Variants in DAAM2 observed in about 807,000 individuals in gnomAD.
DAAM2 encodes the protein disheveled-associated activator of morphogenesis 2.
DAAM2 carries 39 observed loss-of-function variants against 120.7 expected under a neutral mutation model. The observed-to-expected ratio is 0.32, with a 90% CI of 0.25 to 0.42. The LOEUF is 0.42. DAAM2 is among the 10% of genes least tolerant of loss of function. The probability of loss-of-function intolerance (pLI) is 1.00; values close to 1 mark genes in which losing one functional copy is unlikely to be tolerated. For missense variants in DAAM2, 1,283 were observed against 1,401.7 expected, an observed-to-expected ratio of 0.92 and a Z score of 1.35; for synonymous variants, 488 against 524.9, an observed-to-expected ratio of 0.93 and a Z score of 0.96.
In DAAM2 at chr6:39,898,861, C is replaced by G. The variant is rs373721039; in HGVS notation, c.2619-16C>G. ...GTTGATGGTCCTCATTCCCTTCCCT[C>G]TGTGTCTCCTTACAGCCTAGCAGAA... is the stretch of plus-strand genomic sequence containing the variant. On this transcript the variant is annotated splice_polypyrimidine_tract_variant and intron_variant, in intron 21 of 24. Transcript: ENST00000274867. 2.2e-5 allele frequency: 36 copies of G among 1,608,970 alleles called. No homozygotes were observed. In the African/African-American group the frequency reaches 3.5e-4, roughly 16 times the overall value.
chr6:39,863,779 C>T (rs899187543), intron 3 of DAAM2, among the ~76,000 whole-genome samples: 1 of 152,164 alleles, frequency 6.6e-6, no homozygotes, highest in Non-Finnish European at 1.5e-5. Flanking sequence ...CAGAGGTCCT[C>T]GGATCTGGGC....
intron 5 of DAAM2, among the ~76,000 whole-genome samples, chr6:39,866,252 G>A (rs1337276738): frequency 2.0e-5 from 3 of 152,172 alleles, no homozygotes; most frequent in Non-Finnish European, 4.4e-5. Context: ...TGCCAGGTTT[G>A]TCTCCTACCC....
chr6:39,880,493 A>G (rs1765070369), intron 14 of DAAM2, among the ~76,000 whole-genome samples: 1 of 152,228 alleles, frequency 6.6e-6, no homozygotes. Flanking sequence ...ATGGATAGTA[A>G]TAAAATGACA....
At position 39,878,179 on chromosome 6, in the gene DAAM2, C is replaced by T. The variant is rs1478925503; in HGVS notation, c.1302-24C>T. 2.5e-6 allele frequency: 4 copies of T among 1,612,632 alleles called. No homozygotes were observed. Among genetic ancestry groups the T allele is most frequent in the Admixed American group, 3.3e-5 (2 of 59,952 alleles). On this transcript the variant is annotated intron_variant, in intron 11 of 24. Transcript: ENST00000274867. This position sits in a 1 kb window ranked among gnomAD's most constrained non-coding sequence, Gnocchi z 5.0. Reference sequence around the variant, plus strand: ...GAATCAATGGTCAACAATCACATTGCCCCTTCCCTCTATGCCCTGCCAGGC... The same window carrying T: ...GAATCAATGGTCAACAATCACATTGTCCCTTCCCTCTATGCCCTGCCAGGC...
intron 1 of DAAM2, among the ~76,000 whole-genome samples, chr6:39,827,246 C>T (rs1762706041): frequency 7.2e-6 from 1 of 139,462 alleles, no homozygotes; most frequent in Non-Finnish European, 1.5e-5. Flanking sequence ...GGCAAGTAGC[C>T]TGCTTCTTGG....
intron 1 of DAAM2, among the ~76,000 whole-genome samples, chr6:39,829,424 G>A (rs936370908): frequency 6.6e-6 from 1 of 152,180 alleles, no homozygotes; most frequent in African/African-American, 2.4e-5. Flanking sequence ...GACCATCGAT[G>A]GGGAGGCTGG....
Position 39,903,774 on chromosome 6 carries a change from G to A in DAAM2, c.*1737G>A, listed in dbSNP as rs1187533451. 1 of 173,812 alleles carries A rather than the reference G, an allele frequency of 5.8e-6. No homozygotes were observed. Among genetic ancestry groups the A allele is most frequent in the Non-Finnish European group, 1.2e-5 (1 of 80,768 alleles). 10.8% of individuals were successfully genotyped at this position (173,812 alleles called of 1,614,324 possible). A position where few individuals can be genotyped will look rare whatever the true frequency, so the allele number is the denominator to read the frequency against. ...GGGGGGGAAGAAACACAGGGTCGGTGAGCCCAGCATGTGCGTTGGTTTGAG... is the reference window on the plus strand; with the variant it reads ...GGGGGGGAAGAAACACAGGGTCGGTAAGCCCAGCATGTGCGTTGGTTTGAG... On this transcript the variant is annotated 3_prime_UTR_variant, in exon 25 of 25. Coordinates refer to ENST00000274867, the MANE Select transcript of DAAM2 (RefSeq NM_001201427.2).
intron 1 of DAAM2, among the ~76,000 whole-genome samples, chr6:39,826,887 A>T (rs1762693436): frequency 6.6e-6 from 1 of 152,178 alleles, no homozygotes; most frequent in African/African-American, 2.4e-5. Context: ...AGCTTCAAAG[A>T]GAAAATCTGA....
At chr6:39,839,369 C>T (rs1387476849) in intron 1 of DAAM2, among the ~76,000 whole-genome samples, 1 of 152,180 alleles carries the variant, frequency 6.6e-6, no homozygotes, top group African/African-American at 2.4e-5. Flanking sequence ...GCCCTGGAAT[C>T]TTCATCTTTC....
intron 17 of DAAM2, 102 bp from the exon 18 acceptor site, chr6:39,891,239 C>A: frequency 1.2e-6 from 1 of 854,052 alleles, no homozygotes; most frequent in Non-Finnish European, 1.9e-6. Context: ...TCTTTCAAGG[C>A]ACCCTCCCCA....
At chr6:39,828,373 A>AT (rs1258534070) in intron 1 of DAAM2, among the ~76,000 whole-genome samples, 2 of 152,128 alleles carry the variant, frequency 1.3e-5, no homozygotes, top group South Asian at 2.1e-4. Flanking sequence ...TACTCCTTGC[A>AT]TTTTTGCTAT....
At chr6:39,858,689 T>A (rs1265790320) in intron 2 of DAAM2, among the ~76,000 whole-genome samples, 3 of 152,192 alleles carry the variant, frequency 2.0e-5, no homozygotes, top group Non-Finnish European at 4.4e-5. Flanking sequence ...TGGTACATAG[T>A]AACTCTACAT....
At position 39,870,261 on chromosome 6, in the gene DAAM2, T is replaced by C. The variant is rs539385292; in HGVS notation, c.874-79T>C. 2.4e-3 allele frequency: 1,959 copies of C among 813,990 alleles called. 43 individuals are homozygous for C. The South Asian group carries it at 0.027, about 11-fold the overall frequency. 50.4% of individuals were successfully genotyped at this position (813,990 alleles called of 1,614,324 possible). On this transcript the variant is annotated intron_variant, in intron 7 of 24. Transcript: ENST00000274867. Reference sequence around the variant, plus strand: ...AGATGTGTTGGGTCTGTGGCTAGGGTGGTGATGAGGGCTCCACTGGGGATG... The same window carrying C: ...AGATGTGTTGGGTCTGTGGCTAGGGCGGTGATGAGGGCTCCACTGGGGATG...
rs1766737509 is a variant in DAAM2 at position 39,904,824 on chromosome 6, T to G, written c.*2787T>G. 2.2e-6 allele frequency: 1 copy of G among 454,110 alleles called. No individual in the cohort carries two copies. The highest frequency in any genetic ancestry group is 4.4e-6 in the Non-Finnish European group (1 of 226,800). The allele number at this position is 454,110 out of a possible 1,614,324, so 28.1% of individuals were successfully genotyped here. ...TTCACTTGCACCTTTTTTATAAGAA[T>G]ATATTGTAATACTAAAAAATATTAA... is the stretch of plus-strand genomic sequence containing the variant. On this transcript the variant is annotated 3_prime_UTR_variant, in exon 25 of 25. Transcript: ENST00000274867.
At chr6:39,852,567 G>A (rs914274501) in intron 1 of DAAM2, among the ~76,000 whole-genome samples, 4 of 152,208 alleles carry the variant, frequency 2.6e-5, no homozygotes, top group African/African-American at 9.7e-5. Context: ...CCTTGCTGGC[G>A]ATGATGGGAA....
intron 1 of DAAM2, among the ~76,000 whole-genome samples, chr6:39,795,149 G>C (rs148671578): frequency 2.6e-5 from 4 of 152,170 alleles, no homozygotes; most frequent in Non-Finnish European, 4.4e-5. Context: ...CATTCTATCA[G>C]TTCAATCTTC....
intron 1 of DAAM2, among the ~76,000 whole-genome samples, chr6:39,827,558 G>T (rs188989309): frequency 6.6e-6 from 1 of 152,178 alleles, no homozygotes; most frequent in African/African-American, 2.4e-5. Flanking sequence ...GGCTCTGTGT[G>T]TGTGGGCTCA....
intron 1 of DAAM2, among the ~76,000 whole-genome samples, chr6:39,823,526 G>A (rs555718471): frequency 6.6e-6 from 1 of 152,158 alleles, no homozygotes; most frequent in Non-Finnish European, 1.5e-5. Context: ...CTCCTTTCTG[G>A]GCCTTTGCAG....
intron 17 of DAAM2, 83 bp from the exon 18 acceptor site, chr6:39,891,258 C>A: frequency 9.0e-7 from 1 of 1,106,348 alleles, no homozygotes; most frequent in Non-Finnish European, 1.3e-6. Flanking sequence ...CATCTTGACC[C>A]AAGTCAGTAC....
Sources: gnomAD v4.1 joint callset for allele counts (sites outside exome capture counted in the v4.1 genomes callset) on GRCh38, gnomAD v4.1.1 for gene constraint, Gnocchi (gnomAD v3.1) non-coding constraint, MANE v1.5 for transcripts, NCBI Gene and HGNC (gene_info 2026-07-23, HGNC 2026-07-21) for gene names.